RBFOX1: variants seen among roughly 807,000 people sequenced by gnomAD.
RBFOX1 encodes RNA binding protein fox-1 homolog 1.
RBFOX1 carries 8 observed loss-of-function variants against 57.7 expected under a neutral mutation model. That is an observed-to-expected ratio of 0.14 (90% confidence interval 0.08 to 0.25). RBFOX1 has a LOEUF of 0.25. RBFOX1 is among the 10% of genes least tolerant of loss of function. RBFOX1 has a pLI of 1.00. For synonymous variants in RBFOX1, 326 were observed against 222.4 expected, an observed-to-expected ratio of 1.47 and a Z score of -4.15; for missense variants, 611 against 548.5, an observed-to-expected ratio of 1.11 and a Z score of -1.14.
chr16:5,505,601 G>A (rs762781711), intron 2 of RBFOX1, among the ~76,000 whole-genome samples: 2 of 152,146 alleles, frequency 1.3e-5, no homozygotes, highest in Non-Finnish European at 2.9e-5. Context: ...ACTACATCAG[G>A]CACTGTGCTG....
intron 4 of RBFOX1, among the ~76,000 whole-genome samples, chr16:7,235,199 A>G (rs4786140): frequency 0.79 from 120,163 of 152,178 alleles, 48,383 homozygotes; most frequent in East Asian, 0.97. Flanking sequence ...TAAAATGTTG[A>G]CATTCCTTAG....
chr16:6,092,677 T>G (rs1308130530), intron 1 of RBFOX1: 1 of 152,190 alleles, frequency 6.6e-6, no homozygotes, highest in Admixed American at 6.5e-5. Context: ...TTTGTCAACT[T>G]TGTCGAAGAT....
chr16:5,327,689 C>T (rs921943720), intron 1 of RBFOX1, among the ~76,000 whole-genome samples: 5 of 152,184 alleles, frequency 3.3e-5, no homozygotes, highest in African/African-American at 9.7e-5. Flanking sequence ...GTAGCAGCAT[C>T]CCCCTCCCCG....
rs145964821 is a variant in RBFOX1, at chr16:6,601,330, T to G, written c.-63-53273T>G. ...TACACTCTCCCCTCTCTCATGAACT[T>G]TCATTAGAGTTTCTTGTCTACTTGG... is the stretch of plus-strand genomic sequence containing the variant. On this transcript the variant is annotated intron_variant, in intron 2 of 15. Transcript: ENST00000550418. Among the ~76,000 whole-genome samples, 894 of 152,302 alleles carry G rather than the reference T, an allele frequency of 5.9e-3. 10 individuals carry two copies. Among genetic ancestry groups the G allele is most frequent in the African/African-American group, 0.017 (705 of 41,570 alleles).
intron 3 of RBFOX1, among the ~76,000 whole-genome samples, chr16:5,846,534 G>C (rs1270901173): frequency 2.0e-5 from 3 of 152,150 alleles, no homozygotes; most frequent in Non-Finnish European, 4.4e-5. Context: ...TGGGTAGATG[G>C]AGGAATGGAG....
At chr16:6,650,996 C>T (rs79319017) in intron 2 of RBFOX1, among the ~76,000 whole-genome samples, 6,765 of 152,194 alleles carry the variant, frequency 0.044, 430 homozygotes, top group Admixed American at 0.15. Flanking sequence ...TCCGCCTTCC[C>T]GGTTCAAGTG....
chr16:7,082,349 G>A (rs191798771), intron 4 of RBFOX1, among the ~76,000 whole-genome samples: 1 of 152,086 alleles, frequency 6.6e-6, no homozygotes, highest in East Asian at 1.9e-4. Flanking sequence ...GGGAGGCCGA[G>A]GTGGGTGGAT....
At chr16:5,607,306 A>G (rs920615307) in intron 3 of RBFOX1, among the ~76,000 whole-genome samples, 16 of 152,190 alleles carry the variant, frequency 1.1e-4, no homozygotes, top group African/African-American at 3.9e-4. Context: ...CCTTCAAAAT[A>G]TCACCCGTGA....
chr16:7,034,661 C>T (rs533652082), intron 3 of RBFOX1, among the ~76,000 whole-genome samples: 1 of 151,646 alleles, frequency 6.6e-6, no homozygotes, highest in East Asian at 1.9e-4. Context: ...GCAGAGGGCC[C>T]TCTTTATTGG....
chr16:5,833,012 C>A (rs1460101504), intron 3 of RBFOX1, among the ~76,000 whole-genome samples: 1 of 152,118 alleles, frequency 6.6e-6, no homozygotes, highest in Non-Finnish European at 1.5e-5. Context: ...AAGCCACCAA[C>A]CCCCCAAAAT....
intron 3 of RBFOX1, among the ~76,000 whole-genome samples, chr16:6,860,017 A>T (rs186800930): frequency 6.6e-6 from 1 of 152,204 alleles, no homozygotes; most frequent in Admixed American, 6.5e-5. Flanking sequence ...TGTAGGAGTT[A>T]ACACCACAAG....
At chr16:7,695,141 G>T (rs1052248030) in intron 14 of RBFOX1, among the ~76,000 whole-genome samples, 1 of 152,112 alleles carries the variant, frequency 6.6e-6, no homozygotes, top group Non-Finnish European at 1.5e-5. Context: ...TCACATTTCA[G>T]ATTGAGAGAG....
chr16:6,333,491 C>T (rs2083285022), intron 2 of RBFOX1, among the ~76,000 whole-genome samples: 1 of 152,312 alleles, frequency 6.6e-6, no homozygotes, highest in South Asian at 2.1e-4. Context: ...CCTTTGTCAT[C>T]ATAGCTTCTC....
intron 1 of RBFOX1, among the ~76,000 whole-genome samples, chr16:6,021,172 C>G (rs1247164266): frequency 6.6e-6 from 1 of 152,184 alleles, no homozygotes; most frequent in Admixed American, 6.5e-5. Flanking sequence ...ATCATGTCTC[C>G]TAACTTGGGT....
chr16:7,077,255 G>A (rs2058453246), intron 4 of RBFOX1, among the ~76,000 whole-genome samples: 1 of 152,174 alleles, frequency 6.6e-6, no homozygotes, highest in African/African-American at 2.4e-5. Context: ...GGCATTGGTG[G>A]GCAAGGTACT....
intron 4 of RBFOX1, among the ~76,000 whole-genome samples, chr16:7,397,772 C>T (rs1008892775): frequency 3.3e-5 from 5 of 152,216 alleles, no homozygotes; most frequent in South Asian, 2.1e-4. Context: ...AATAGATTTA[C>T]GGTGGTATGA....
At chr16:6,641,639 A>G (rs553951082) in intron 2 of RBFOX1, among the ~76,000 whole-genome samples, 57 of 150,914 alleles carry the variant, frequency 3.8e-4, no homozygotes, top group Non-Finnish European at 4.9e-4. Flanking sequence ...AGAGGCTGAG[A>G]CGGGAGAATC....
chr16:5,414,125 G>A (rs1000977477), intron 1 of RBFOX1, among the ~76,000 whole-genome samples: 2 of 152,112 alleles, frequency 1.3e-5, no homozygotes, highest in Admixed American at 6.5e-5. Context: ...GTGCACTCCC[G>A]ACCTGAACAC....
chr16:7,556,467 C>A (rs2088521920), intron 5 of RBFOX1, among the ~76,000 whole-genome samples: 1 of 152,138 alleles, frequency 6.6e-6, no homozygotes, highest in Admixed American at 6.5e-5. Flanking sequence ...CCATGATGGC[C>A]ACAGGTAACT....
Sources: allele counts gnomAD v4.1 joint callset (sites outside exome capture counted in the v4.1 genomes callset), GRCh38; gene constraint gnomAD v4.1.1; transcripts MANE v1.5; gene names NCBI Gene and HGNC (gene_info 2026-07-23, HGNC 2026-07-21).